MALRD1: variants seen among roughly 807,000 people sequenced by gnomAD.
MALRD1 encodes the protein MAM and LDL receptor class A domain containing 1, also known as MAM and LDL-receptor class A domain-containing protein 1.
In MALRD1, 247 loss-of-function variants were observed where a neutral mutation model predicts 242.1. That is an observed-to-expected ratio of 1.02 (90% CI 0.92 to 1.13). MALRD1 has a LOEUF of 1.13. Among genes scored for constraint, MALRD1 ranks in the 50% most tolerant of loss-of-function variants. The pLI, the probability that MALRD1 is intolerant of heterozygous loss-of-function variation, is 0.00. For synonymous variants in MALRD1, 995 were observed against 866.6 expected, an observed-to-expected ratio of 1.15 and a Z score of -2.60; for missense variants, 2,989 against 2,533.1, an observed-to-expected ratio of 1.18 and a Z score of -3.86.
chr10:19,691,218 C>G (rs969408843), intron 36 of MALRD1, among the ~76,000 whole-genome samples: 1 of 152,042 alleles, frequency 6.6e-6, no homozygotes, highest in African/African-American at 2.4e-5. Context: ...AACGTTAAAA[C>G]AATGAAATTA....
intron 28 of MALRD1, among the ~76,000 whole-genome samples, chr10:19,447,494 T>C (rs1835063152): frequency 6.6e-6 from 1 of 152,176 alleles, no homozygotes; most frequent in South Asian, 2.1e-4. Flanking sequence ...TATTTGTCTC[T>C]TTTTTTACTA....
chr10:19,440,025 G>C lies in MALRD1; in HGVS notation c.4846-10282G>C, dbSNP rs953760394. 2.0e-5 allele frequency among the ~76,000 whole-genome samples: 3 copies of C among 152,160 alleles called. 1 individual carries two copies. Reference sequence around the variant, plus strand: ...TTCTCCCTGCTGCAAAACATTTCCTGGGGCGTACTCATCACACTTTAGGTG... The same window carrying C: ...TTCTCCCTGCTGCAAAACATTTCCTCGGGCGTACTCATCACACTTTAGGTG... On this transcript the variant is annotated intron_variant, in intron 28 of 39. Transcript: ENST00000454679.
intron 5 of MALRD1, among the ~76,000 whole-genome samples, chr10:19,116,179 A>C (rs981529020): frequency 1.3e-5 from 2 of 152,208 alleles, no homozygotes; most frequent in African/African-American, 4.8e-5. Context: ...GAACATGTTT[A>C]ATCACTGATT....
At chr10:19,350,566 C>A (rs1030011096) in intron 25 of MALRD1, among the ~76,000 whole-genome samples, 2 of 152,032 alleles carry the variant, frequency 1.3e-5, no homozygotes, top group Non-Finnish European at 2.9e-5. Context: ...TGTGAGCCAC[C>A]GTGCCTGCCA....
intron 24 of MALRD1, among the ~76,000 whole-genome samples, chr10:19,345,412 T>G (rs1844071955): frequency 6.6e-6 from 1 of 152,266 alleles, no homozygotes; most frequent in East Asian, 1.9e-4. Context: ...AGTTCTTAAC[T>G]AAGACAGCGG....
intron 24 of MALRD1, among the ~76,000 whole-genome samples, chr10:19,337,909 A>G (rs1160203371): frequency 1.3e-5 from 2 of 151,952 alleles, no homozygotes; most frequent in African/African-American, 4.8e-5. Flanking sequence ...AAAAATACAA[A>G]AAATTAGCTG....
chr10:19,587,009 C>T (rs990144575), intron 33 of MALRD1, among the ~76,000 whole-genome samples: 1 of 152,240 alleles, frequency 6.6e-6, no homozygotes, highest in Non-Finnish European at 1.5e-5. Context: ...TCTGTCACCA[C>T]TTTCTTTGAC....
intron 33 of MALRD1, among the ~76,000 whole-genome samples, chr10:19,570,047 A>G (rs1338687326): frequency 6.6e-6 from 1 of 151,966 alleles, no homozygotes; most frequent in Non-Finnish European, 1.5e-5. Context: ...ATAAAGGTTC[A>G]TCTTTCCCAG....
At chr10:19,547,163 T>C (rs537314652) in intron 32 of MALRD1, among the ~76,000 whole-genome samples, 58 of 152,320 alleles carry the variant, frequency 3.8e-4, no homozygotes, top group African/African-American at 1.3e-3. Flanking sequence ...TGGTGCTTTA[T>C]TTCTGATTAC....
At chr10:19,096,364 A>G (rs541567791) in intron 4 of MALRD1, among the ~76,000 whole-genome samples, 1 of 152,326 alleles carries the variant, frequency 6.6e-6, no homozygotes, top group East Asian at 1.9e-4. Flanking sequence ...AGTGGCTTCA[A>G]CTAAAGCAGA....
rs149741222 is a variant in MALRD1, at chr10:19,353,467, G to A, written c.4441+1170G>A. Reference sequence around the variant, plus strand: ...TATAACATAGTAGGTGGAATGGGCAGTGTTGCCACTTCTGCCTTCCCCGTT... The same window carrying A: ...TATAACATAGTAGGTGGAATGGGCAATGTTGCCACTTCTGCCTTCCCCGTT... On this transcript the variant is annotated intron_variant, in intron 26 of 39. Transcript: ENST00000454679. 6.6e-5 allele frequency among the ~76,000 whole-genome samples: 10 copies of A among 152,324 alleles called. No homozygotes were observed. The East Asian group carries it at 1.7e-3, about 26-fold the overall frequency.
At chr10:19,508,468 A>C (rs1391570556) in intron 31 of MALRD1, among the ~76,000 whole-genome samples, 1 of 152,186 alleles carries the variant, frequency 6.6e-6, no homozygotes, top group Non-Finnish European at 1.5e-5. Context: ...GGTAGATTGG[A>C]ATACCAAATT....
chr10:19,512,700 A>C (rs958025217), intron 31 of MALRD1, among the ~76,000 whole-genome samples: 2 of 152,240 alleles, frequency 1.3e-5, no homozygotes, highest in Admixed American at 6.5e-5. Context: ...GTAAAATTTT[A>C]AATGATTTAT....
intron 36 of MALRD1, among the ~76,000 whole-genome samples, chr10:19,662,984 G>A (rs1451439778): frequency 1.3e-5 from 2 of 152,036 alleles, no homozygotes; most frequent in African/African-American, 2.4e-5. Context: ...GAGTGGCCCT[G>A]TAGTGGGATT....
In MALRD1 at chr10:19,066,876, T is replaced by C. The variant is rs1834996672; in HGVS notation, c.340+17T>C. 8.1e-7 allele frequency: 1 copy of C among 1,233,130 alleles called. No individual in the cohort carries two copies. The highest frequency in any genetic ancestry group is 1.0e-6 in the Non-Finnish European group (1 of 987,570). 76.4% of individuals were successfully genotyped at this position (1,233,130 alleles called of 1,614,324 possible). A position where few individuals can be genotyped will look rare whatever the true frequency, so the allele number is the denominator to read the frequency against. ...ATGTGTCTGGTAAATGCTTTAAATT[T>C]ATTTTCTCCCCTCTCTCCCTTCCTC... On this transcript the variant is annotated intron_variant, in intron 2 of 39. Transcript: ENST00000454679.
chr10:19,406,831 G>A (rs1847137600), intron 28 of MALRD1, among the ~76,000 whole-genome samples: 1 of 152,250 alleles, frequency 6.6e-6, no homozygotes, highest in South Asian at 2.1e-4. Flanking sequence ...TCGCTTATTA[G>A]CTCTTTAGTG....
At chr10:19,055,261 T>G (rs1280907067) in intron 1 of MALRD1, among the ~76,000 whole-genome samples, 2 of 152,226 alleles carry the variant, frequency 1.3e-5, no homozygotes, top group African/African-American at 2.4e-5. Flanking sequence ...ATTTTCTTGC[T>G]ATGAAGTTGC....
chr10:19,445,169 G>C (rs1221567110), intron 28 of MALRD1, among the ~76,000 whole-genome samples: 2 of 152,006 alleles, frequency 1.3e-5, no homozygotes, highest in Admixed American at 1.3e-4. Flanking sequence ...GGTCATTTAA[G>C]GTCTTATTTA....
At chr10:19,056,824 T>A (rs1834683516) in intron 1 of MALRD1, among the ~76,000 whole-genome samples, 1 of 152,194 alleles carries the variant, frequency 6.6e-6, no homozygotes, top group Non-Finnish European at 1.5e-5. Context: ...TCCCTGTTGG[T>A]CATATGGCTT....
Sources: allele counts gnomAD v4.1 joint callset (sites outside exome capture counted in the v4.1 genomes callset), GRCh38; gene constraint gnomAD v4.1.1; transcripts MANE v1.5; gene names NCBI Gene and HGNC (gene_info 2026-07-23, HGNC 2026-07-21).